Variants in TTI1 observed in about 807,000 individuals in gnomAD.
TTI1 encodes the protein TELO2-interacting protein 1 homolog.
TTI1 carries 52 observed loss-of-function variants against 85.4 expected under a neutral mutation model. That is an observed-to-expected ratio of 0.61 (90% CI 0.49 to 0.77). The LOEUF (loss-of-function observed/expected upper bound fraction) is 0.77, where lower values mean the gene tolerates loss of function less well. Among genes scored for constraint, TTI1 ranks in the 30% least tolerant of loss-of-function variants. The probability of loss-of-function intolerance (pLI) is 0.00; values close to 1 mark genes in which losing one functional copy is unlikely to be tolerated. For missense variants in TTI1, 1,173 were observed against 1,296.0 expected (o/e 0.91, Z 1.46); for synonymous variants, 512 against 503.9 (o/e 1.02, Z -0.22).
intron 7 of TTI1, among the ~76,000 whole-genome samples, chr20:37,985,989 C>A (rs2073185694): frequency 6.6e-6 from 1 of 152,068 alleles, no homozygotes; most frequent in Non-Finnish European, 1.5e-5. Flanking sequence ...GCGTGGGAGA[C>A]AATTTTTGTT....
intron 1 of TTI1, among the ~76,000 whole-genome samples, chr20:38,015,887 A>G (rs2122606398): frequency 6.6e-6 from 1 of 152,306 alleles, no homozygotes; most frequent in South Asian, 2.1e-4. Flanking sequence ...GTAAGGGGGA[A>G]TTTGAAAGGA....
At chr20:38,019,673 T>C (rs2073735097) in intron 1 of TTI1, among the ~76,000 whole-genome samples, 1 of 152,066 alleles carries the variant, frequency 6.6e-6, no homozygotes, top group Admixed American at 6.5e-5. Context: ...AAACAAAAAG[T>C]AAGATGGCAG....
intron 1 of TTI1, among the ~76,000 whole-genome samples, chr20:38,023,206 G>A (rs1568630749): frequency 6.6e-6 from 1 of 152,210 alleles, no homozygotes; most frequent in Admixed American, 6.5e-5. Context: ...TGTCCACACA[G>A]CAAGCAGGTG....
intron 1 of TTI1, among the ~76,000 whole-genome samples, chr20:38,020,323 A>AAAAAAAATATATATATATATATATATAT: frequency 7.9e-5 from 4 of 50,388 alleles, no homozygotes; most frequent in African/African-American, 3.6e-4. Context: ...AAAAAAAAAA[A>AAAAAAAATATATATATATATATATATAT]ATATATATAT....
intron 7 of TTI1, among the ~76,000 whole-genome samples, chr20:37,986,293 C>T (rs1202055893): frequency 6.6e-6 from 1 of 152,204 alleles, no homozygotes; most frequent in African/African-American, 2.4e-5. Flanking sequence ...CTGACTTACA[C>T]AGCATGAAAA....
At chr20:37,987,268 G>A in intron 7 of TTI1, 1 of 456,718 alleles carries the variant, frequency 2.2e-6, no homozygotes, top group Non-Finnish European at 4.4e-6. Flanking sequence ...ACAGCTGAAA[G>A]CCAAAGTTGT....
chr20:38,032,020 G>A lies in TTI1; in HGVS notation c.-42+1384C>T, dbSNP rs6097425. ...ACACAAAAGCCCTCAGTTATGACTA[G>A]ATACTCACTGTATGATTTTAGGTTA... is the stretch of plus-strand genomic sequence containing the variant. On this transcript the variant is annotated intron_variant, in intron 1 of 7. Coordinates refer to ENST00000373447, the MANE Select transcript of TTI1 (RefSeq NM_001303457.2). Among the ~76,000 whole-genome samples, 613 of 152,280 alleles carry A rather than the reference G, an allele frequency of 4.0e-3. 4 individuals are homozygous for A. Among genetic ancestry groups the A allele is most frequent in the African/African-American group, 0.014 (594 of 41,566 alleles).
In TTI1 at chr20:38,023,249, C is replaced by T. The variant is rs143806960; in HGVS notation, c.-41-9392G>A. Among the ~76,000 whole-genome samples the T allele has an allele frequency of 2.0e-3, 309 of 152,326 alleles. 1 individual carries two copies. Among genetic ancestry groups the T allele is most frequent in the African/African-American group, 7.1e-3 (294 of 41,572 alleles). ...TGGGATTCATCTCAAGCCCGCCTGA[C>T]TCCAAAGGCTGTATGTACTCTTTCC... On this transcript the variant is annotated intron_variant, in intron 1 of 7. Transcript: ENST00000373447.
intron 1 of TTI1, among the ~76,000 whole-genome samples, chr20:38,015,229 C>T (rs1001470198): frequency 6.6e-6 from 1 of 152,082 alleles, no homozygotes; most frequent in African/African-American, 2.4e-5. Flanking sequence ...GACTCTGATA[C>T]GCTGGAGAGT....
chr20:38,001,654 A>C (rs1027161217), intron 4 of TTI1, among the ~76,000 whole-genome samples: 3 of 152,154 alleles, frequency 2.0e-5, no homozygotes, highest in African/African-American at 7.2e-5. Context: ...TTCCTAGCCC[A>C]TCACCCCTGA....
chr20:38,023,156 C>G (rs2073792228), intron 1 of TTI1, among the ~76,000 whole-genome samples: 1 of 152,200 alleles, frequency 6.6e-6, no homozygotes, highest in Non-Finnish European at 1.5e-5. Flanking sequence ...TATTCCTCAT[C>G]CACAAGCTGA....
chr20:38,011,011 G>C (rs1476824760), intron 2 of TTI1, among the ~76,000 whole-genome samples: 2 of 152,202 alleles, frequency 1.3e-5, no homozygotes, highest in Non-Finnish European at 2.9e-5. Context: ...GTACTGGATA[G>C]AACGAATAAA....
intron 7 of TTI1, among the ~76,000 whole-genome samples, chr20:37,992,453 G>A (rs2073278334): frequency 6.6e-6 from 1 of 151,916 alleles, no homozygotes; most frequent in Admixed American, 6.6e-5. Flanking sequence ...ATTTTTATAT[G>A]TTCAGTAGAG....
At chr20:38,007,312 T>C (rs2073515669) in intron 2 of TTI1, among the ~76,000 whole-genome samples, 3 of 152,240 alleles carry the variant, frequency 2.0e-5, no homozygotes, top group Non-Finnish European at 4.4e-5. Context: ...AAGTCTTCCC[T>C]ATTCGGTGGT....
At chr20:38,011,150 T>G (rs2073580364) in intron 2 of TTI1, among the ~76,000 whole-genome samples, 1 of 152,232 alleles carries the variant, frequency 6.6e-6, no homozygotes, top group Non-Finnish European at 1.5e-5. Context: ...AGAAGCAGTT[T>G]GCTATACTGG....
At chr20:38,020,321 A>ATATATATATATATATATATATATATATAT (rs1443587921) in intron 1 of TTI1, among the ~76,000 whole-genome samples, 1 of 42,728 alleles carries the variant, frequency 2.3e-5, no homozygotes, top group Non-Finnish European at 4.5e-5. Flanking sequence ...AAAAAAAAAA[A>ATATATATATATATATATATATATATATAT]AAATATATAT....
In TTI1 at chr20:38,011,872, A is replaced by G; in HGVS notation, c.1945T>C (p.Leu649=). 6.2e-7 allele frequency: 1 copy of G among 1,614,258 alleles called. No individual in the cohort carries two copies. Among genetic ancestry groups the G allele is most frequent in the Non-Finnish European group, 8.5e-7 (1 of 1,180,046 alleles). The change falls in exon 2 of 8, where the codon TTG becomes CTG. Residue 649 remains leucine (L), a synonymous_variant. Transcript: ENST00000373447. ...YALGKDFCLL[L]MSALYPVLEK... ...AGTACTGGATAAAGGGCTGACATCAAGAGCAAACAGAAGTCTTTTCCTAGT... is the reference window on the plus strand; with the variant it reads ...AGTACTGGATAAAGGGCTGACATCAGGAGCAAACAGAAGTCTTTTCCTAGT...
At chr20:38,000,925 G>A (rs1175326793) in intron 4 of TTI1, among the ~76,000 whole-genome samples, 1 of 152,186 alleles carries the variant, frequency 6.6e-6, no homozygotes, top group African/African-American at 2.4e-5. Context: ...CGATGACCTA[G>A]GCTAAATCAG....
chr20:38,007,049 A>C (rs997083583), intron 2 of TTI1, among the ~76,000 whole-genome samples: 2 of 152,184 alleles, frequency 1.3e-5, no homozygotes, highest in African/African-American at 4.8e-5. Flanking sequence ...TTAAACCAGC[A>C]TTTTTTTCCA....
Sources: allele counts gnomAD v4.1 joint callset (sites outside exome capture counted in the v4.1 genomes callset), GRCh38; gene constraint gnomAD v4.1.1; transcripts MANE v1.5; gene names NCBI Gene and HGNC (gene_info 2026-07-23, HGNC 2026-07-21).